The following SH3GL2 variants were observed in gnomAD, a reference collection of about 807,000 sequenced individuals.
SH3GL2 encodes the protein SH3 domain containing GRB2 like 2, endophilin A1, also known as endophilin-A1.
A neutral mutation model predicts 46.0 loss-of-function variants in SH3GL2; 24 were observed. That is an observed-to-expected ratio of 0.52 (90% CI 0.38 to 0.73). The LOEUF is 0.73. Among genes scored for constraint, SH3GL2 ranks in the 30% least tolerant of loss-of-function variants. SH3GL2 has a pLI of 0.00. For synonymous variants in SH3GL2, 196 were observed against 147.1 expected, an observed-to-expected ratio of 1.33 and a Z score of -2.40; for missense variants, 413 against 424.2, an observed-to-expected ratio of 0.97 and a Z score of 0.23.
chr9:17,665,062 A>G (rs1034039538), intron 1 of SH3GL2, among the ~76,000 whole-genome samples: 3 of 152,106 alleles, frequency 2.0e-5, no homozygotes, highest in East Asian at 3.8e-4. Flanking sequence ...ACCAGTGTTC[A>G]TCTTTTGCTT....
chr9:17,632,896 G>A (rs1401210195), intron 1 of SH3GL2, among the ~76,000 whole-genome samples: 2 of 152,214 alleles, frequency 1.3e-5, no homozygotes, highest in East Asian at 3.8e-4. Context: ...GTAACGGATT[G>A]TGGTGTTTTA....
chr9:17,648,442 G>C (rs1489441562), intron 1 of SH3GL2, among the ~76,000 whole-genome samples: 1 of 152,172 alleles, frequency 6.6e-6, no homozygotes, highest in Non-Finnish European at 1.5e-5. Flanking sequence ...GATCTTCAAG[G>C]CCTGGCAAAG....
At chr9:17,729,830 G>C (rs1465347534) in intron 1 of SH3GL2, among the ~76,000 whole-genome samples, 3 of 152,062 alleles carry the variant, frequency 2.0e-5, no homozygotes, top group Non-Finnish European at 4.4e-5. Context: ...TATCTGTTTT[G>C]GTATGAGTAC....
At chr9:17,587,533 G>T (rs1230149561) in intron 1 of SH3GL2, among the ~76,000 whole-genome samples, 2 of 152,196 alleles carry the variant, frequency 1.3e-5, no homozygotes, top group Admixed American at 1.3e-4. Flanking sequence ...TACAGTCATA[G>T]GGTTTTCACT....
At chr9:17,633,006 T>C (rs1046206552) in intron 1 of SH3GL2, among the ~76,000 whole-genome samples, 2 of 152,206 alleles carry the variant, frequency 1.3e-5, no homozygotes, top group Non-Finnish European at 2.9e-5. Context: ...CTGCCAGTAT[T>C]AATGAACTAT....
chr9:17,612,548 G>C (rs886087623), intron 1 of SH3GL2, among the ~76,000 whole-genome samples: 11 of 152,144 alleles, frequency 7.2e-5, no homozygotes, highest in African/African-American at 2.4e-4. Flanking sequence ...TTGAGAATAA[G>C]GTGAGGAGAG....
chr9:17,735,289 G>A (rs1449939119), intron 1 of SH3GL2, among the ~76,000 whole-genome samples: 1 of 152,094 alleles, frequency 6.6e-6, no homozygotes, highest in Non-Finnish European at 1.5e-5. Context: ...TTAGTGCCAG[G>A]TTGGAATCCT....
intron 3 of SH3GL2, among the ~76,000 whole-genome samples, chr9:17,781,723 T>C (rs1021706148): frequency 4.6e-5 from 7 of 152,134 alleles, no homozygotes; most frequent in Non-Finnish European, 1.0e-4. Context: ...ACTTGATCTA[T>C]CTCTGTTTTG....
rs527718057 is a variant in SH3GL2 at position 17,673,622 on chromosome 9, A to C, written c.46-73444A>C. On this transcript the variant is annotated intron_variant, in intron 1 of 8. Transcript: ENST00000380607. ...AAGTCTGAGCTCTTTGACTTGACCT[A>C]CTAGCCAGCCATGATCTCCTTGTCC... Among the ~76,000 whole-genome samples the C allele has an allele frequency of 2.6e-5, 4 of 152,258 alleles. No homozygotes were observed. In the East Asian group the frequency reaches 7.7e-4, roughly 29 times the overall value.
chr9:17,758,778 A>AGTG (rs1554647277), intron 2 of SH3GL2, among the ~76,000 whole-genome samples: 4 of 151,316 alleles, frequency 2.6e-5, no homozygotes, highest in African/African-American at 4.9e-5. Context: ...CTTGCTCTGT[A>AGTG]ATGATGCCTG....
At chr9:17,747,012 C>A (rs1822707926) in intron 1 of SH3GL2, 54 bp from the exon 2 acceptor site, 1 of 1,230,228 alleles carries the variant, frequency 8.1e-7, no homozygotes, top group Non-Finnish European at 1.2e-6. Context: ...ATTTCTAACA[C>A]ATTTTTTAAA....
At chr9:17,618,248 C>G (rs1819051678) in intron 1 of SH3GL2, among the ~76,000 whole-genome samples, 1 of 151,996 alleles carries the variant, frequency 6.6e-6, no homozygotes, top group Non-Finnish European at 1.5e-5. Flanking sequence ...GCTAAACATC[C>G]TGCAATGCAC....
At chr9:17,676,926 G>C (rs1820627992) in intron 1 of SH3GL2, among the ~76,000 whole-genome samples, 2 of 152,002 alleles carry the variant, frequency 1.3e-5, no homozygotes, top group Non-Finnish European at 2.9e-5. Context: ...TGGGGTGTCT[G>C]CTCTATGTGC....
chr9:17,605,294 T>G (rs1818742928), intron 1 of SH3GL2, among the ~76,000 whole-genome samples: 1 of 152,110 alleles, frequency 6.6e-6, no homozygotes, highest in Non-Finnish European at 1.5e-5. Context: ...TACTTTTGTT[T>G]CCAATCCCAG....
chr9:17,637,431 T>A (rs1444627229), intron 1 of SH3GL2, among the ~76,000 whole-genome samples: 2 of 152,244 alleles, frequency 1.3e-5, no homozygotes, highest in Non-Finnish European at 2.9e-5. Context: ...GCACTTGTGC[T>A]GTTTATTATT....
chr9:17,749,110 T>TA (rs1405126967), intron 2 of SH3GL2, among the ~76,000 whole-genome samples: 1 of 152,178 alleles, frequency 6.6e-6, no homozygotes, highest in Non-Finnish European at 1.5e-5. Context: ...ACCAGACTCT[T>TA]ACAGCTGAGG....
In SH3GL2 at chr9:17,611,329, T is replaced by G. The variant is rs561086638; in HGVS notation, c.45+32042T>G. Among the ~76,000 whole-genome samples the G allele has an allele frequency of 9.2e-5, 14 of 152,336 alleles. No individual in the cohort carries two copies. The South Asian group carries it at 2.9e-3, about 32-fold the overall frequency. ...GACATATAGGACATTTTGGTTTCTT[T>G]TTTTTTCATTTTTGCTTTTGGTTGA... is the stretch of plus-strand genomic sequence containing the variant. On this transcript the variant is annotated intron_variant, in intron 1 of 8. Transcript: ENST00000380607.
chr9:17,741,475 C>T (rs1035414729), intron 1 of SH3GL2, among the ~76,000 whole-genome samples: 9 of 152,132 alleles, frequency 5.9e-5, no homozygotes, highest in Admixed American at 3.9e-4. Flanking sequence ...TTAGCCTTGG[C>T]TGTAAGTAAA....
intron 1 of SH3GL2, among the ~76,000 whole-genome samples, chr9:17,712,230 T>G (rs980532097): frequency 6.6e-6 from 1 of 151,862 alleles, no homozygotes; most frequent in African/African-American, 2.4e-5. Flanking sequence ...ATCATAGATA[T>G]GCTTGTAAAT....
Sources: gnomAD v4.1 joint callset for allele counts (sites outside exome capture counted in the v4.1 genomes callset) on GRCh38, gnomAD v4.1.1 for gene constraint, MANE v1.5 for transcripts, NCBI Gene and HGNC (gene_info 2026-07-23, HGNC 2026-07-21) for gene names.